VOPP1: variants seen among roughly 807,000 people sequenced by gnomAD.
The protein encoded by VOPP1 is WW domain binding protein VOPP1.
In VOPP1, 8 loss-of-function variants were observed where a neutral mutation model predicts 23.5. That is an observed-to-expected ratio of 0.34 (90% CI 0.20 to 0.61). VOPP1 has a LOEUF of 0.61. VOPP1 is among the 20% of genes least tolerant of loss of function. The probability of loss-of-function intolerance (pLI) is 0.78; values close to 1 mark genes in which losing one functional copy is unlikely to be tolerated. For missense variants in VOPP1, 174 were observed against 238.1 expected (o/e 0.73, Z 1.77); for synonymous variants, 83 against 97.3 (o/e 0.85, Z 0.86).
chr7:55,486,740 G>A (rs1244378267), intron 4 of VOPP1, among the ~76,000 whole-genome samples: 3 of 152,238 alleles, frequency 2.0e-5, no homozygotes, highest in Non-Finnish European at 4.4e-5. Context: ...ATTGGCATTG[G>A]TGATTTGTAA....
At chr7:55,496,196 A>G (rs1364354713) in intron 3 of VOPP1, among the ~76,000 whole-genome samples, 1 of 152,190 alleles carries the variant, frequency 6.6e-6, no homozygotes, top group African/African-American at 2.4e-5. Context: ...CCTCATCATC[A>G]TTCATCTAGT....
intron 1 of VOPP1, among the ~76,000 whole-genome samples, chr7:55,562,314 T>C (rs572201881): frequency 6.6e-6 from 1 of 152,298 alleles, no homozygotes; most frequent in South Asian, 2.1e-4. Flanking sequence ...ATTCCCCGTT[T>C]ACAGTCACCC....
At chr7:55,452,546 C>G (rs1252760478) in intron 4 of VOPP1, among the ~76,000 whole-genome samples, 3 of 152,192 alleles carry the variant, frequency 2.0e-5, no homozygotes, top group Non-Finnish European at 4.4e-5. Context: ...CTATCTATGA[C>G]AGCTATAGCC....
At chr7:55,539,356 A>T (rs1235345971) in intron 1 of VOPP1, 1 of 152,190 alleles carries the variant, frequency 6.6e-6, no homozygotes, top group Non-Finnish European at 1.5e-5. Flanking sequence ...CCCAACAATA[A>T]CAAAAAAAGT....
chr7:55,467,344 C>T (rs1791658259), downstream of VOPP1, among the ~76,000 whole-genome samples: 1 of 152,220 alleles, frequency 6.6e-6, no homozygotes, highest in Admixed American at 6.5e-5. Context: ...CAGGAGACCT[C>T]TGGTCCCTGG....
chr7:55,473,219 T>C (rs1358364361), intron 4 of VOPP1, among the ~76,000 whole-genome samples, 174 bp from the exon 5 acceptor site: 1 of 152,150 alleles, frequency 6.6e-6, no homozygotes, highest in East Asian at 1.9e-4. Flanking sequence ...AGCAACACAA[T>C]AGGCAGGTCC....
intron 1 of VOPP1, among the ~76,000 whole-genome samples, chr7:55,536,961 G>A (rs1796833371): frequency 1.3e-5 from 2 of 152,242 alleles, no homozygotes; most frequent in Admixed American, 6.5e-5. Flanking sequence ...ACCACCAGGG[G>A]AAGGTGGGGC....
At chr7:55,537,547 C>T (rs1370027516) in intron 1 of VOPP1, 1 of 1,536,004 alleles carries the variant, frequency 6.5e-7, no homozygotes, top group African/African-American at 1.4e-5. Context: ...CGCAAGGATG[C>T]AGGCAGCGCA....
intron 2 of VOPP1, among the ~76,000 whole-genome samples, chr7:55,498,392 G>A (rs1203196887): frequency 1.3e-5 from 2 of 152,038 alleles, no homozygotes; most frequent in Non-Finnish European, 2.9e-5. Context: ...ACAGCTCTCA[G>A]GGGTGTGCTC....
intron 4 of VOPP1, among the ~76,000 whole-genome samples, chr7:55,443,245 A>G (rs1421135469): frequency 6.6e-6 from 1 of 152,058 alleles, no homozygotes; most frequent in Non-Finnish European, 1.5e-5. Flanking sequence ...GATCAGATAC[A>G]AACAATTTTT....
rs958601632 is a variant in VOPP1 at position 55,509,732 on chromosome 7, C to A, written c.113+11340G>T. On this transcript the variant is annotated intron_variant, in intron 2 of 4. Coordinates refer to ENST00000285279, the MANE Select transcript of VOPP1 (RefSeq NM_030796.5). ...ATTTCCTGGGTATTCTGCAAGAACT[C>A]CAAACTCCACATGCATATATGACAT... Among the ~76,000 whole-genome samples the A allele has an allele frequency of 5.9e-5, 9 of 152,332 alleles. No homozygotes were observed. The South Asian group carries it at 8.3e-4, about 14-fold the overall frequency.
chr7:55,463,105 T>C (rs1791546787), intron 4 of VOPP1, among the ~76,000 whole-genome samples: 1 of 152,236 alleles, frequency 6.6e-6, no homozygotes, highest in Admixed American at 6.5e-5. Flanking sequence ...TTATCTTAAT[T>C]TTAAAATTTG....
chr7:55,523,399 A>G (rs562170420), intron 1 of VOPP1, among the ~76,000 whole-genome samples: 1 of 152,334 alleles, frequency 6.6e-6, no homozygotes, highest in Non-Finnish European at 1.5e-5. Flanking sequence ...TCCAAAAAAA[A>G]AATCACAGGA....
At chr7:55,523,711 TCA>T (rs138349536) in intron 1 of VOPP1, among the ~76,000 whole-genome samples, 3 of 152,288 alleles carry the variant, frequency 2.0e-5, no homozygotes, top group Admixed American at 6.5e-5. Flanking sequence ...TCTTTGTTCT[TCA>T]CACATACTGA....
chr7:55,570,030 A>G (rs990362381), intron 1 of VOPP1, among the ~76,000 whole-genome samples: 2 of 152,238 alleles, frequency 1.3e-5, no homozygotes, highest in Admixed American at 6.5e-5. Context: ...TGCAGCCGGC[A>G]GTCAGAAGCC....
chr7:55,494,900 G>A (rs1319586903), intron 3 of VOPP1, among the ~76,000 whole-genome samples: 4 of 152,192 alleles, frequency 2.6e-5, no homozygotes, highest in African/African-American at 9.7e-5. Flanking sequence ...CTGGGGGTAC[G>A]GGCTGGCTGT....
In VOPP1 at chr7:55,572,420, G is replaced by C. The variant is rs1233008242; in HGVS notation, c.-96C>G. ...CGGGGCGGGCGGGCAGACTGCAGCCGGGAGCCGTCCCGCCGACCGCTGGGG... is the reference window on the plus strand; with the variant it reads ...CGGGGCGGGCGGGCAGACTGCAGCCCGGAGCCGTCCCGCCGACCGCTGGGG... On this transcript the variant is annotated 5_prime_UTR_variant, in exon 1 of 5. Transcript: ENST00000285279. 3 of 901,006 alleles carry C rather than the reference G, an allele frequency of 3.3e-6. No homozygotes were observed. Among genetic ancestry groups the C allele is most frequent in the Non-Finnish European group, 4.2e-6 (3 of 717,196 alleles). The allele number at this position is 901,006 out of a possible 1,614,324, so 55.8% of individuals were successfully genotyped here. A position where few individuals can be genotyped will look rare whatever the true frequency, so the allele number is the denominator to read the frequency against.
At chr7:55,483,816 C>G (rs1388240732) in intron 4 of VOPP1, among the ~76,000 whole-genome samples, 1 of 152,166 alleles carries the variant, frequency 6.6e-6, no homozygotes, top group African/African-American at 2.4e-5. Context: ...TGGAGGGCAA[C>G]AGTGCGATCA....
At chr7:55,437,253 G>A (rs551664757) in intron 4 of VOPP1, among the ~76,000 whole-genome samples, 2 of 152,298 alleles carry the variant, frequency 1.3e-5, no homozygotes, top group East Asian at 3.9e-4. Flanking sequence ...AGTCCCCACG[G>A]AGGCCGCCTC....
Sources: allele counts gnomAD v4.1 joint callset (sites outside exome capture counted in the v4.1 genomes callset), GRCh38; gene constraint gnomAD v4.1.1; transcripts MANE v1.5; gene names NCBI Gene and HGNC (gene_info 2026-07-23, HGNC 2026-07-21).